The following GRID2 variants were observed in gnomAD, a reference collection of about 807,000 sequenced individuals.
The protein encoded by GRID2 is glutamate receptor ionotropic, delta-2.
Under a neutral mutation model 114.8 loss-of-function variants are expected in GRID2, and 33 were observed. That is an observed-to-expected ratio of 0.29 (90% CI 0.22 to 0.38). The LOEUF (loss-of-function observed/expected upper bound fraction) is 0.38, where lower values mean the gene tolerates loss of function less well. Ranked by LOEUF, GRID2 falls within the 10% of genes least tolerant of loss-of-function variation. GRID2 has a pLI of 1.00. For missense variants in GRID2, 1,184 were observed against 1,257.7 expected (o/e 0.94, Z 0.89); for synonymous variants, 505 against 449.9 (o/e 1.12, Z -1.55).
At chr4:93,269,574 G>C (rs1205900688) in intron 8 of GRID2, among the ~76,000 whole-genome samples, 1 of 152,206 alleles carries the variant, frequency 6.6e-6, no homozygotes, top group South Asian at 2.1e-4. Flanking sequence ...TCCTAGAGAA[G>C]TGTTATTTCC....
chr4:92,652,808 T>A (rs746341365), intron 2 of GRID2, among the ~76,000 whole-genome samples: 10,232 of 131,202 alleles, frequency 0.078, 898 homozygotes, highest in African/African-American at 0.15. Context: ...AAAAAAAAAA[T>A]ATATATATAT....
intron 4 of GRID2, among the ~76,000 whole-genome samples, chr4:93,126,629 G>T (rs1422170153): frequency 9.7e-6 from 1 of 103,176 alleles, no homozygotes; most frequent in Non-Finnish European, 1.7e-5. Context: ...ACGGAGTCTC[G>T]CTCTGTCACC....
chr4:92,751,136 T>C (rs1458920159), intron 2 of GRID2, among the ~76,000 whole-genome samples: 1 of 152,100 alleles, frequency 6.6e-6, no homozygotes, highest in Non-Finnish European at 1.5e-5. Context: ...GCGTAAATAA[T>C]CAAATGCAGT....
chr4:93,047,565 T>G (rs1296126209), intron 2 of GRID2, among the ~76,000 whole-genome samples: 1 of 152,096 alleles, frequency 6.6e-6, no homozygotes, highest in African/African-American at 2.4e-5. Flanking sequence ...CTGGCATTGC[T>G]GGCAATAATT....
chr4:92,354,399 C>T (rs1045530592), intron 1 of GRID2, among the ~76,000 whole-genome samples: 1 of 151,880 alleles, frequency 6.6e-6, no homozygotes, highest in African/African-American at 2.4e-5. Context: ...TAGCTGCCTA[C>T]TCTGTAATTT....
intron 14 of GRID2, among the ~76,000 whole-genome samples, chr4:93,693,809 A>G (rs1339192525): frequency 6.6e-6 from 1 of 152,160 alleles, no homozygotes; most frequent in African/African-American, 2.4e-5. Context: ...AAAAATCTGA[A>G]AAAATATATA....
intron 4 of GRID2, among the ~76,000 whole-genome samples, chr4:93,196,608 A>G (rs1228160837): frequency 6.6e-6 from 1 of 152,140 alleles, no homozygotes; most frequent in African/African-American, 2.4e-5. Flanking sequence ...AGCTTCATCA[A>G]CGATGAGCTA....
intron 1 of GRID2, among the ~76,000 whole-genome samples, chr4:92,460,215 G>T (rs1720091769): frequency 6.6e-6 from 1 of 151,066 alleles, no homozygotes; most frequent in South Asian, 2.1e-4. Flanking sequence ...GTGATACAGT[G>T]ACACAGATAT....
At chr4:93,324,587 A>G (rs907828102) in intron 8 of GRID2, among the ~76,000 whole-genome samples, 1 of 152,018 alleles carries the variant, frequency 6.6e-6, no homozygotes, top group African/African-American at 2.4e-5. Context: ...TTTTCTATTG[A>G]TTGGAACATT....
At chr4:92,647,035 G>C (rs1420435403) in intron 2 of GRID2, among the ~76,000 whole-genome samples, 1 of 152,188 alleles carries the variant, frequency 6.6e-6, no homozygotes, top group Non-Finnish European at 1.5e-5. Flanking sequence ...AAGCTAAATA[G>C]CCACAACAAA....
intron 1 of GRID2, among the ~76,000 whole-genome samples, chr4:92,454,219 T>G (rs2149081567): frequency 6.6e-6 from 1 of 152,256 alleles, no homozygotes; most frequent in Non-Finnish European, 1.5e-5. Context: ...ATAATTAGAT[T>G]TGTATGTTTT....
At chr4:92,517,930 A>T (rs1724584517) in intron 1 of GRID2, among the ~76,000 whole-genome samples, 1 of 152,012 alleles carries the variant, frequency 6.6e-6, no homozygotes, top group South Asian at 2.1e-4. Flanking sequence ...AAACCAAAAA[A>T]ACCCACTGTA....
chr4:92,748,812 C>G (rs983136285), intron 2 of GRID2, among the ~76,000 whole-genome samples: 1 of 151,052 alleles, frequency 6.6e-6, no homozygotes, highest in Non-Finnish European at 1.5e-5. Context: ...CAGGCACACA[C>G]CACCAAGCCC....
chr4:92,368,397 A>G (rs1728970975), intron 1 of GRID2, among the ~76,000 whole-genome samples: 1 of 152,110 alleles, frequency 6.6e-6, no homozygotes, highest in Non-Finnish European at 1.5e-5. Context: ...ATAAATAAAA[A>G]GGATTTTTAT....
At chr4:92,545,516 T>C (rs1726202033) in intron 1 of GRID2, among the ~76,000 whole-genome samples, 1 of 152,202 alleles carries the variant, frequency 6.6e-6, no homozygotes, top group Non-Finnish European at 1.5e-5. Context: ...TTCCAGATTT[T>C]AGCTTGTGCA....
At chr4:92,679,992 G>A (rs1356116839) in intron 2 of GRID2, among the ~76,000 whole-genome samples, 1 of 151,792 alleles carries the variant, frequency 6.6e-6, no homozygotes, top group East Asian at 1.9e-4. Flanking sequence ...TATTTATATA[G>A]CTCTGTGAGT....
At chr4:93,438,739 T>A (rs1455783830) in intron 10 of GRID2, among the ~76,000 whole-genome samples, 2 of 151,996 alleles carry the variant, frequency 1.3e-5, no homozygotes, top group African/African-American at 4.8e-5. Context: ...TGTGCAAGTT[T>A]GTTACATATG....
intron 5 of GRID2, 138 bp downstream of exon 5, chr4:93,207,595 A>G: frequency 1.6e-6 from 1 of 606,140 alleles, no homozygotes; most frequent in Non-Finnish European, 2.9e-6. Flanking sequence ...AATGCTGTTT[A>G]ACAAAGATAG....
chr4:92,821,587 T>C lies in GRID2; in HGVS notation c.244+231301T>C, dbSNP rs185142289. ...AAATTTAAAATAATATTTTTGATTC[T>C]ACAAGCATTCCACATTCATTAATGT... On this transcript the variant is annotated intron_variant, in intron 2 of 15. Coordinates refer to ENST00000282020, the MANE Select transcript of GRID2 (RefSeq NM_001510.4). Among the ~76,000 whole-genome samples, 715 of 152,286 alleles carry C rather than the reference T, an allele frequency of 4.7e-3. 10 individuals carry two copies. The highest frequency in any genetic ancestry group is 0.016 in the African/African-American group (678 of 41,566).
Sources: allele counts gnomAD v4.1 joint callset (sites outside exome capture counted in the v4.1 genomes callset), GRCh38; gene constraint gnomAD v4.1.1; transcripts MANE v1.5; gene names NCBI Gene and HGNC (gene_info 2026-07-23, HGNC 2026-07-21).